Variants in CSMD1 observed in about 807,000 individuals in gnomAD.
CSMD1 encodes CUB and sushi domain-containing protein 1.
CSMD1 carries 213 observed loss-of-function variants against 417.5 expected under a neutral mutation model. The ratio of observed to expected loss-of-function variants is 0.51; its 90% confidence interval spans 0.46 to 0.57. CSMD1 has a LOEUF of 0.57. CSMD1 is among the 20% of genes least tolerant of loss of function. CSMD1 has a pLI of 0.00. For synonymous variants in CSMD1, 2,862 were observed against 1,736.8 expected (o/e 1.65, Z -16.11); for missense variants, 6,923 against 4,529.7 (o/e 1.53, Z -15.17).
chr8:3,172,657 G>A (rs1444366286), intron 37 of CSMD1, among the ~76,000 whole-genome samples: 1 of 152,152 alleles, frequency 6.6e-6, no homozygotes, highest in African/African-American at 2.4e-5. Flanking sequence ...CTTAAGGGGG[G>A]CAGAGAAGGG....
chr8:4,345,305 C>T (rs976733176), intron 3 of CSMD1, among the ~76,000 whole-genome samples: 2 of 152,046 alleles, frequency 1.3e-5, no homozygotes, highest in South Asian at 4.1e-4. Context: ...GTTTGAACAC[C>T]CTAGAAGGTA....
chr8:3,241,926 C>T (rs62504975), intron 26 of CSMD1, among the ~76,000 whole-genome samples: 111,055 of 146,196 alleles, frequency 0.76, 42,786 homozygotes, highest in Non-Finnish European at 0.83. Flanking sequence ...TTATTTAATG[C>T]CGGGAGCAGA....
intron 12 of CSMD1, among the ~76,000 whole-genome samples, chr8:3,426,403 C>G (rs1813841907): frequency 6.6e-6 from 1 of 152,122 alleles, no homozygotes; most frequent in African/African-American, 2.4e-5. Context: ...TTTAGCTCGA[C>G]TTCTCTAACT....
chr8:3,729,890 A>C (rs938853580), intron 6 of CSMD1, among the ~76,000 whole-genome samples: 4 of 148,090 alleles, frequency 2.7e-5, no homozygotes, highest in Non-Finnish European at 5.9e-5. Flanking sequence ...GTACTCCCCA[A>C]ATCTACAGAA....
intron 3 of CSMD1, among the ~76,000 whole-genome samples, chr8:4,202,155 G>C (rs186372620): frequency 1.3e-5 from 2 of 151,944 alleles, no homozygotes; most frequent in Non-Finnish European, 2.9e-5. Context: ...TTCTAGGACG[G>C]GTGGGATGAC....
At chr8:4,315,981 A>G (rs185949579) in intron 3 of CSMD1, among the ~76,000 whole-genome samples, 7 of 152,158 alleles carry the variant, frequency 4.6e-5, no homozygotes, top group Admixed American at 3.3e-4. Context: ...TGTGAATGTC[A>G]TCTTTTATTC....
chr8:3,301,193 A>AAAATAAAACAAACCATATTGTTTGG (rs1804375317), intron 25 of CSMD1, among the ~76,000 whole-genome samples: 1 of 151,650 alleles, frequency 6.6e-6, no homozygotes, highest in African/African-American at 2.4e-5. Flanking sequence ...ATAAATTTTT[A>AAAATAAAACAAACCATATTGTTTGG]AAATAAAACA....
chr8:4,306,519 C>T (rs1445239252), intron 3 of CSMD1, among the ~76,000 whole-genome samples: 3 of 152,208 alleles, frequency 2.0e-5, no homozygotes, highest in Admixed American at 1.3e-4. Flanking sequence ...CTGATATCCA[C>T]TGCTCATCTT....
intron 26 of CSMD1, among the ~76,000 whole-genome samples, chr8:3,258,995 A>G (rs1800861801): frequency 1.3e-5 from 2 of 152,204 alleles, no homozygotes; most frequent in Admixed American, 1.3e-4. Flanking sequence ...AATGGGTACT[A>G]GGCTTAATAG....
chr8:4,585,366 TTA>T (rs1799647258), intron 2 of CSMD1, among the ~76,000 whole-genome samples: 1 of 152,082 alleles, frequency 6.6e-6, no homozygotes, highest in Non-Finnish European at 1.5e-5. Context: ...AGAAAAAAGG[TTA>T]ATACACAATT....
intron 1 of CSMD1, among the ~76,000 whole-genome samples, chr8:4,861,293 C>T (rs527698290): frequency 1.3e-5 from 2 of 152,072 alleles, no homozygotes; most frequent in African/African-American, 4.8e-5. Flanking sequence ...ACAGTATGCA[C>T]ATAATCGTGA....
chr8:4,693,775 C>G (rs1388891421), intron 1 of CSMD1, among the ~76,000 whole-genome samples: 1 of 152,264 alleles, frequency 6.6e-6, no homozygotes, highest in Non-Finnish European at 1.5e-5. Flanking sequence ...TTCCTAGGCT[C>G]AAGCCATTCT....
At chr8:3,460,149 G>A (rs969621138) in intron 12 of CSMD1, among the ~76,000 whole-genome samples, 3 of 152,128 alleles carry the variant, frequency 2.0e-5, no homozygotes, top group Admixed American at 6.5e-5. Flanking sequence ...GGATTGTGTA[G>A]CAGCAAATCA....
intron 1 of CSMD1, among the ~76,000 whole-genome samples, chr8:4,873,425 G>A (rs1802853417): frequency 6.6e-6 from 1 of 152,070 alleles, no homozygotes. Flanking sequence ...TAAGACTCTA[G>A]AATCTAACTC....
At chr8:4,281,434 A>G (rs1247257434) in intron 3 of CSMD1, among the ~76,000 whole-genome samples, 1 of 152,148 alleles carries the variant, frequency 6.6e-6, no homozygotes, top group African/African-American at 2.4e-5. Flanking sequence ...TATGAAATTA[A>G]CACTTCAGAA....
At chr8:3,316,276 G>C (rs148352243) in intron 23 of CSMD1, among the ~76,000 whole-genome samples, 1,619 of 152,170 alleles carry the variant, frequency 0.011, 32 homozygotes, top group African/African-American at 0.037. Flanking sequence ...CCATGAATAT[G>C]TGTAATAATT....
chr8:4,928,366 T>C (rs1045012520), intron 1 of CSMD1, among the ~76,000 whole-genome samples: 4 of 152,318 alleles, frequency 2.6e-5, no homozygotes, highest in Admixed American at 2.6e-4. Flanking sequence ...TATTTAGTTA[T>C]TTACTATCTT....
chr8:3,094,160 C>T (rs1318102794), intron 47 of CSMD1, among the ~76,000 whole-genome samples: 1 of 151,550 alleles, frequency 6.6e-6, no homozygotes, highest in Non-Finnish European at 1.5e-5. Context: ...GGCTGGAGTG[C>T]AATGGTACAA....
At chr8:3,594,562 G>A (rs1362918883) in intron 8 of CSMD1, among the ~76,000 whole-genome samples, 1 of 152,126 alleles carries the variant, frequency 6.6e-6, no homozygotes, top group Non-Finnish European at 1.5e-5. Context: ...CATTACCATG[G>A]AGGCTATCTC....
Sources: gnomAD v4.1 joint callset for allele counts (sites outside exome capture counted in the v4.1 genomes callset) on GRCh38, gnomAD v4.1.1 for gene constraint, MANE v1.5 for transcripts, NCBI Gene and HGNC (gene_info 2026-07-23, HGNC 2026-07-21) for gene names.